RBFOX3: variants seen among roughly 807,000 people sequenced by gnomAD.
RBFOX3 encodes RNA binding protein fox-1 homolog 3.
RBFOX3 carries 17 observed loss-of-function variants against 48.7 expected under a neutral mutation model. The observed-to-expected ratio is 0.35, with a 90% CI of 0.24 to 0.52. The LOEUF is 0.52. RBFOX3 is among the 20% of genes least tolerant of loss of function. The pLI, the probability that RBFOX3 is intolerant of heterozygous loss-of-function variation, is 0.94. For missense variants in RBFOX3, 382 were observed against 497.5 expected, an observed-to-expected ratio of 0.77 and a Z score of 2.21; for synonymous variants, 212 against 209.5, an observed-to-expected ratio of 1.01 and a Z score of -0.10.
intron 3 of RBFOX3, among the ~76,000 whole-genome samples, chr17:79,263,770 G>T (rs1309938358): frequency 6.6e-6 from 1 of 152,156 alleles, no homozygotes; most frequent in African/African-American, 2.4e-5. Context: ...CGCTTACGAG[G>T]GGCAGAACGA....
At chr17:79,639,587 T>A in the RBFOX3 span, among the ~76,000 whole-genome samples, 1 of 152,038 alleles carries the variant, frequency 6.6e-6, no homozygotes, top group African/African-American at 2.4e-5. Context: ...TGCAAAAAAA[T>A]TCCCAATAAG....
In RBFOX3 at chr17:79,111,086, G is replaced by A. The variant is rs2031203146; in HGVS notation, c.223-4298C>T. Among the ~76,000 whole-genome samples, 1 of 152,224 alleles carries A rather than the reference G, an allele frequency of 6.6e-6. No homozygotes were observed. The highest frequency in any genetic ancestry group is 1.5e-5 in the Non-Finnish European group (1 of 68,038). ...TGAGGTGGTCCAAATGGAAGATCAG[G>A]GCAAGTGCGGGAGTTTCCGAGGAGG... On this transcript the variant is annotated intron_variant, in intron 5 of 14. Transcript: ENST00000693108. This position sits in a 1 kb window ranked among gnomAD's most constrained non-coding sequence, Gnocchi z 4.2.
intron 2 of RBFOX3, among the ~76,000 whole-genome samples, chr17:79,389,904 G>T (rs2148154450): frequency 6.6e-6 from 1 of 152,352 alleles, no homozygotes; most frequent in Non-Finnish European, 1.5e-5. Context: ...AGCAGAGAGG[G>T]TTTCAGCTGA....
At chr17:79,095,417 G>C in intron 13 of RBFOX3, 96 bp downstream of exon 13, 1 of 1,122,420 alleles carries the variant, frequency 8.9e-7, no homozygotes, top group Non-Finnish European at 1.3e-6. Flanking sequence ...TGGAAGAGTG[G>C]GTTACGCCTC....
intron 2 of RBFOX3, among the ~76,000 whole-genome samples, chr17:79,458,780 G>T (rs997544773): frequency 6.6e-6 from 1 of 152,054 alleles, no homozygotes. Context: ...AATAAGGAGC[G>T]AGATGTTGAA....
intron 4 of RBFOX3, among the ~76,000 whole-genome samples, chr17:79,171,031 G>A (rs1367693667): frequency 6.6e-6 from 1 of 152,220 alleles, no homozygotes. Context: ...CTCCGGTGGA[G>A]ATAAGCCTTA....
In RBFOX3 at chr17:79,214,187, T is replaced by G. The variant is rs950791702; in HGVS notation, c.-34+21579A>C. 2.0e-5 allele frequency among the ~76,000 whole-genome samples: 3 copies of G among 152,162 alleles called. No individual in the cohort carries two copies. Among genetic ancestry groups the G allele is most frequent in the Non-Finnish European group, 2.9e-5 (2 of 68,016 alleles). On this transcript the variant is annotated intron_variant, in intron 4 of 14. Transcript: ENST00000693108. This position sits in a 1 kb window ranked among gnomAD's most constrained non-coding sequence, Gnocchi z 4.7. ...CCCCTCACCAGAGCTTTGCCACCCG[T>G]GGGTATTAGGACCCTGATAAAGTCG...
the RBFOX3 span, among the ~76,000 whole-genome samples, chr17:79,640,503 G>T: frequency 6.6e-6 from 1 of 152,092 alleles, no homozygotes; most frequent in Non-Finnish European, 1.5e-5. Context: ...GAATAGCCAA[G>T]CAATTTTGAA....
chr17:79,412,365 T>C (rs988933470), intron 2 of RBFOX3, among the ~76,000 whole-genome samples: 1 of 152,082 alleles, frequency 6.6e-6, no homozygotes, highest in Non-Finnish European at 1.5e-5. Flanking sequence ...GTGGTGTGTA[T>C]GCACATGTGT....
intron 2 of RBFOX3, among the ~76,000 whole-genome samples, chr17:79,455,143 T>G (rs1385647979): frequency 6.6e-6 from 1 of 152,176 alleles, no homozygotes; most frequent in African/African-American, 2.4e-5. Flanking sequence ...CTCCATGGGA[T>G]GTACATGGGC....
At chr17:79,171,892 C>T (rs573460547) in intron 4 of RBFOX3, among the ~76,000 whole-genome samples, 1 of 148,600 alleles carries the variant, frequency 6.7e-6, no homozygotes, top group African/African-American at 2.5e-5. Context: ...CAACCTTTGG[C>T]TGGGTGCGGT....
At chr17:79,350,317 A>ACT (rs940978019) in intron 2 of RBFOX3, among the ~76,000 whole-genome samples, 2 of 151,292 alleles carry the variant, frequency 1.3e-5, no homozygotes, top group African/African-American at 4.9e-5. Context: ...TAATTCTCCA[A>ACT]CTCTTCCCTG....
chr17:79,279,204 C>T (rs748466794), intron 3 of RBFOX3, among the ~76,000 whole-genome samples: 4 of 151,966 alleles, frequency 2.6e-5, no homozygotes, highest in Non-Finnish European at 5.9e-5. Context: ...TAAGAACAGC[C>T]AGGAGAAAAA....
At chr17:79,283,918 T>C (rs1168581521) in intron 3 of RBFOX3, among the ~76,000 whole-genome samples, 1 of 137,580 alleles carries the variant, frequency 7.3e-6, no homozygotes, top group African/African-American at 2.6e-5. Flanking sequence ...AGGACCATCG[T>C]AACATTTGCC....
the RBFOX3 span, among the ~76,000 whole-genome samples, chr17:79,623,823 T>TAAAAAAAAAAAAAAAAA: frequency 9.4e-6 from 1 of 106,028 alleles, no homozygotes; most frequent in African/African-American, 3.9e-5. Flanking sequence ...ACTCTGTCTC[T>TAAAAAAAAAAAAAAAAA]AAAAAAAAAA....
chr17:79,431,588 G>A (rs1170659456), intron 2 of RBFOX3, among the ~76,000 whole-genome samples: 1 of 151,074 alleles, frequency 6.6e-6, no homozygotes, highest in Non-Finnish European at 1.5e-5. Context: ...GGGTTCAAGT[G>A]ATTCTCCTGC....
chr17:79,440,003 G>A (rs1049158820), intron 2 of RBFOX3, among the ~76,000 whole-genome samples: 3 of 152,202 alleles, frequency 2.0e-5, no homozygotes, highest in Non-Finnish European at 4.4e-5. Context: ...CAGGGGAGGG[G>A]AGCGTCCCTG....
At chr17:79,296,852 T>TCCC (rs1165350982) in intron 3 of RBFOX3, among the ~76,000 whole-genome samples, 2 of 78,448 alleles carry the variant, frequency 2.5e-5, no homozygotes, top group Non-Finnish European at 4.7e-5. Context: ...CTCCCCCTCC[T>TCCC]CCTGCTTCTC....
chr17:79,491,858 T>C (rs1158576606), intron 1 of RBFOX3, among the ~76,000 whole-genome samples: 1 of 152,164 alleles, frequency 6.6e-6, no homozygotes, highest in Non-Finnish European at 1.5e-5. Flanking sequence ...GGTGGGCAGA[T>C]CACTTGAGGT....
Sources: gnomAD v4.1 joint callset for allele counts (sites outside exome capture counted in the v4.1 genomes callset) on GRCh38, gnomAD v4.1.1 for gene constraint, Gnocchi (gnomAD v3.1) non-coding constraint, MANE v1.5 for transcripts, NCBI Gene and HGNC (gene_info 2026-07-23, HGNC 2026-07-21) for gene names.